The following MARCHF10 variants were observed in gnomAD, a reference collection of about 807,000 sequenced individuals.
MARCHF10 encodes probable E3 ubiquitin-protein ligase MARCHF10.
A neutral mutation model predicts 76.2 loss-of-function variants in MARCHF10; 64 were observed. That is an observed-to-expected ratio of 0.84 (90% CI 0.69 to 1.03). The LOEUF is 1.03. MARCHF10 is among the 50% of genes least tolerant of loss of function. MARCHF10 has a pLI of 0.00. For missense variants in MARCHF10, 875 were observed against 958.0 expected (o/e 0.91, Z 1.14); for synonymous variants, 340 against 357.5 (o/e 0.95, Z 0.55).
chr17:62,799,249 A>G (rs556145052), intron 2 of MARCHF10, among the ~76,000 whole-genome samples: 2 of 151,862 alleles, frequency 1.3e-5, no homozygotes, highest in Non-Finnish European at 2.9e-5. Context: ...GCCACTTCTC[A>G]CCACCTCCAC....
intron 1 of MARCHF10, among the ~76,000 whole-genome samples, chr17:62,802,123 T>C (rs887818139): frequency 6.6e-6 from 1 of 152,210 alleles, no homozygotes; most frequent in Non-Finnish European, 1.5e-5. Context: ...CTTAAATTCA[T>C]TTATGCAACA....
chr17:62,709,057 A>G (rs759763587), intron 9 of MARCHF10, among the ~76,000 whole-genome samples: 4 of 152,176 alleles, frequency 2.6e-5, no homozygotes, highest in Admixed American at 6.5e-5. Flanking sequence ...CAACTCCTTG[A>G]CAAGCTCTTT....
chr17:62,793,157 T>TCAC (rs1164613126), intron 2 of MARCHF10, among the ~76,000 whole-genome samples: 1 of 58,714 alleles, frequency 1.7e-5, no homozygotes, highest in East Asian at 6.3e-4. Context: ...ACCACCACCA[T>TCAC]CACCACCACC....
rs555812145 is a variant in MARCHF10 at position 62,779,168 on chromosome 17, C to T, written c.210+9312G>A. ...GTCAAGAGGGCGGCTGTGAAGAACA[C>T]CACGCCAGGTGTTAAGGGTGACTCA... On this transcript the variant is annotated intron_variant, in intron 3 of 10. Transcript: ENST00000311269. 8.5e-5 allele frequency among the ~76,000 whole-genome samples: 13 copies of T among 152,224 alleles called. No homozygotes were observed. The East Asian group carries it at 2.5e-3, about 30-fold the overall frequency.
chr17:62,755,681 C>T (rs1043894710), intron 4 of MARCHF10, among the ~76,000 whole-genome samples: 5 of 152,210 alleles, frequency 3.3e-5, no homozygotes, highest in Admixed American at 6.5e-5. Flanking sequence ...GAATTTTCCA[C>T]GTCTTTCTGG....
At position 62,738,412 on chromosome 17, in the gene MARCHF10, C is replaced by T. The variant is rs1231372365; in HGVS notation, c.536-1080G>A. 6.6e-6 allele frequency among the ~76,000 whole-genome samples: 1 copy of T among 152,176 alleles called. No individual in the cohort carries two copies. Among genetic ancestry groups the T allele is most frequent in the Non-Finnish European group, 1.5e-5 (1 of 68,042 alleles). ...TGATGTGAGAAGGAAACTGACAGTA[C>T]TTCTCTGATGCCACTTACCTTTATT... On this transcript the variant is annotated intron_variant, in intron 5 of 10. Coordinates refer to ENST00000311269, the MANE Select transcript of MARCHF10 (RefSeq NM_152598.4). The surrounding 1 kb of genome is among the most constrained non-coding windows in gnomAD (Gnocchi z 4.0).
intron 6 of MARCHF10, among the ~76,000 whole-genome samples, chr17:62,731,762 C>CTAAGTAATT (rs1214417605): frequency 2.6e-5 from 4 of 152,208 alleles, no homozygotes; most frequent in African/African-American, 9.6e-5. Flanking sequence ...GGAAGTTTTT[C>CTAAGTAATT]TAAGTAATTA....
chr17:62,732,374 G>T (rs2091059878), intron 6 of MARCHF10, among the ~76,000 whole-genome samples: 1 of 152,168 alleles, frequency 6.6e-6, no homozygotes, highest in African/African-American at 2.4e-5. Flanking sequence ...CATTAGATTA[G>T]GGAAAGACAA....
intron 6 of MARCHF10, among the ~76,000 whole-genome samples, chr17:62,732,853 C>T (rs1383422575): frequency 2.6e-5 from 4 of 151,346 alleles, no homozygotes; most frequent in African/African-American, 7.3e-5. Flanking sequence ...ATTAGCTGGG[C>T]GTGGTGGTGC....
chr17:62,792,677 C>A (rs1229693554), intron 2 of MARCHF10, among the ~76,000 whole-genome samples: 2 of 149,544 alleles, frequency 1.3e-5, no homozygotes, highest in Non-Finnish European at 3.0e-5. Flanking sequence ...CCACCACCAC[C>A]ACCTCCATCA....
At chr17:62,732,811 G>T (rs920596994) in intron 6 of MARCHF10, among the ~76,000 whole-genome samples, 2 of 150,936 alleles carry the variant, frequency 1.3e-5, no homozygotes, top group African/African-American at 4.9e-5. Context: ...TGGCCAACCC[G>T]GTGAAACCCC....
intron 4 of MARCHF10, among the ~76,000 whole-genome samples, chr17:62,745,003 C>CAA (rs371677963): frequency 0.27 from 26,159 of 97,604 alleles, 4,212 homozygotes; most frequent in East Asian, 0.63. Flanking sequence ...GACTCCATCT[C>CAA]AAAAAAAAAA....
chr17:62,724,417 A>G, intron 7 of MARCHF10, among the ~76,000 whole-genome samples: 1 of 152,138 alleles, frequency 6.6e-6, no homozygotes, highest in East Asian at 1.9e-4. Context: ...AGACAATCAG[A>G]TCAGCACTCT....
rs769602872 is a variant in MARCHF10, at chr17:62,701,598, T to C, written c.*105A>G. 8 of 1,600,358 alleles carry C rather than the reference T, an allele frequency of 5.0e-6. No homozygotes were observed. The highest frequency in any genetic ancestry group is 1.1e-5 in the South Asian group (1 of 90,608). On this transcript the variant is annotated 3_prime_UTR_variant, in exon 11 of 11. Coordinates refer to ENST00000311269, the MANE Select transcript of MARCHF10 (RefSeq NM_152598.4). ...GGTGAAAATCTAACTGTGAACGCTTTGGTTTCAGTTTCAGTAAAGAGGAGG... is the reference window on the plus strand; with the variant it reads ...GGTGAAAATCTAACTGTGAACGCTTCGGTTTCAGTTTCAGTAAAGAGGAGG...
chr17:62,800,461 T>C (rs536199842), intron 2 of MARCHF10, among the ~76,000 whole-genome samples: 1 of 152,332 alleles, frequency 6.6e-6, no homozygotes, highest in South Asian at 2.1e-4. Flanking sequence ...CGTCTTCTTA[T>C]ACGTGGGTTG....
At chr17:62,801,328 T>C (rs1402982227) in intron 2 of MARCHF10, among the ~76,000 whole-genome samples, 1 of 152,046 alleles carries the variant, frequency 6.6e-6, no homozygotes, top group Non-Finnish European at 1.5e-5. Context: ...TAATTTTTTG[T>C]ATTTTTTGTA....
At chr17:62,766,024 T>C (rs905202787) in intron 3 of MARCHF10, among the ~76,000 whole-genome samples, 6 of 132,618 alleles carry the variant, frequency 4.5e-5, no homozygotes, top group African/African-American at 1.5e-4. Flanking sequence ...CGAGACCTTG[T>C]CTCTACAAAA....
At chr17:62,716,115 G>A (rs1421733685) in intron 8 of MARCHF10, among the ~76,000 whole-genome samples, 1 of 152,194 alleles carries the variant, frequency 6.6e-6, no homozygotes. Flanking sequence ...GGTTCAGAGA[G>A]CAAGTCGGAG....
In MARCHF10 at chr17:62,717,539, G is replaced by A. The variant is rs1033505549; in HGVS notation, c.2214+4949C>T. On this transcript the variant is annotated intron_variant, in intron 8 of 10. Coordinates refer to ENST00000311269, the MANE Select transcript of MARCHF10 (RefSeq NM_152598.4). The stretch of plus-strand genomic sequence containing the variant: ...CCCAGCCGGGCTTCCTTGCCCTCTG[G>A]CTTCCCGTTGGGTTTGGCCCATGGG... Among the ~76,000 whole-genome samples, 13 of 152,232 alleles carry A rather than the reference G, an allele frequency of 8.5e-5. 1 individual carries two copies. The South Asian group carries it at 2.7e-3, about 32-fold the overall frequency.
Sources: gnomAD v4.1 joint callset for allele counts (sites outside exome capture counted in the v4.1 genomes callset) on GRCh38, gnomAD v4.1.1 for gene constraint, Gnocchi (gnomAD v3.1) non-coding constraint, MANE v1.5 for transcripts, NCBI Gene and HGNC (gene_info 2026-07-23, HGNC 2026-07-21) for gene names.